The following PCDHA9 variants were observed in gnomAD, a reference collection of about 807,000 sequenced individuals.
The protein encoded by PCDHA9 is protocadherin alpha-9.
Under a neutral mutation model 62.0 loss-of-function variants are expected in PCDHA9, and 62 were observed. The ratio of observed to expected loss-of-function variants is 1.00; its 90% CI spans 0.81 to 1.23. The LOEUF (loss-of-function observed/expected upper bound fraction) is 1.23. Among genes scored for constraint, PCDHA9 ranks in the 50% most tolerant of loss-of-function variants. The probability of loss-of-function intolerance (pLI) is 0.00; values close to 1 mark genes in which losing one functional copy is unlikely to be tolerated. For synonymous variants in PCDHA9, 557 were observed against 567.6 expected, an observed-to-expected ratio of 0.98 and a Z score of 0.27; for missense variants, 1,205 against 1,249.8, an observed-to-expected ratio of 0.96 and a Z score of 0.54.
At chr5:140,895,868 A>G (rs555320203) in intron 1 of PCDHA9, among the ~76,000 whole-genome samples, 5 of 152,228 alleles carry the variant, frequency 3.3e-5, no homozygotes, top group Admixed American at 6.5e-5. Flanking sequence ...CTGGAGTGCA[A>G]TGGCGCGATC....
At chr5:140,967,552 T>C (rs782453868) in intron 1 of PCDHA9, 2 of 1,613,908 alleles carry the variant, frequency 1.2e-6, no homozygotes, top group Non-Finnish European at 1.7e-6. Context: ...AGTCCACTTA[T>C]CGCGTCCAGC....
intron 1 of PCDHA9, chr5:140,861,593 A>G: frequency 2.7e-6 from 1 of 371,316 alleles, no homozygotes; most frequent in South Asian, 2.5e-5. Context: ...TGGAGGTGAA[A>G]GTGAAGAACA....
chr5:140,907,525 G>A (rs1016477325), intron 1 of PCDHA9, among the ~76,000 whole-genome samples: 3 of 152,196 alleles, frequency 2.0e-5, no homozygotes, highest in African/African-American at 4.8e-5. Flanking sequence ...AGGACAAATC[G>A]CTGCCCTTTC....
intron 1 of PCDHA9, among the ~76,000 whole-genome samples, chr5:140,880,574 AGAGAG>A (rs2058389036): frequency 1.3e-5 from 2 of 152,226 alleles, no homozygotes; most frequent in African/African-American, 4.8e-5. Flanking sequence ...GAATTTGAGA[AGAGAG>A]GAAAGAGAAT....
intron 1 of PCDHA9, among the ~76,000 whole-genome samples, chr5:140,894,240 ATTTTC>A (rs2064382890): frequency 6.6e-6 from 1 of 151,828 alleles, no homozygotes; most frequent in African/African-American, 2.4e-5. Flanking sequence ...TGACAATGTA[ATTTTC>A]TTTTCTTTAC....
In PCDHA9 at chr5:140,919,389, T is replaced by C. The variant is rs1042186256; in HGVS notation, c.2395-59560T>C. 3.9e-5 allele frequency among the ~76,000 whole-genome samples: 6 copies of C among 152,360 alleles called. No homozygotes were observed. The East Asian group carries it at 1.2e-3, about 29-fold the overall frequency. ...CTGCAGACAACACATAGTTGGATGTTGTTTTCCTAAAAACTCTAGACTGAC... is the reference window on the plus strand; with the variant it reads ...CTGCAGACAACACATAGTTGGATGTCGTTTTCCTAAAAACTCTAGACTGAC... On this transcript the variant is annotated intron_variant, in intron 1 of 3. Coordinates refer to ENST00000532602, the MANE Select transcript of PCDHA9 (RefSeq NM_031857.2).
intron 1 of PCDHA9, among the ~76,000 whole-genome samples, chr5:140,899,689 C>A (rs1033793263): frequency 4.6e-5 from 7 of 152,254 alleles, no homozygotes; most frequent in Admixed American, 4.6e-4. Flanking sequence ...ATGATGCTGG[C>A]CTCATAAAAT....
rs75101825 is a variant in PCDHA9, at chr5:140,914,430, C to A, written c.2394+63541C>A. On this transcript the variant is annotated intron_variant, in intron 1 of 3. Coordinates refer to ENST00000532602, the MANE Select transcript of PCDHA9 (RefSeq NM_031857.2). ...TTTTGTTTCCATTAGCAAGGAATAT[C>A]TTTTCCCATGTCTTTATTTTCCAGT... Among the ~76,000 whole-genome samples the A allele has an allele frequency of 8.0e-3, 1,215 of 152,204 alleles. 6 individuals carry two copies. Among genetic ancestry groups the A allele is most frequent in the African/African-American group, 0.019 (784 of 41,536 alleles).
intron 1 of PCDHA9, chr5:140,860,899 G>C (rs940246442): frequency 6.6e-6 from 1 of 152,256 alleles, no homozygotes; most frequent in Admixed American, 6.6e-5. Flanking sequence ...CAACACGCCA[G>C]GCTAATTTTT....
chr5:140,857,420 G>T lies in PCDHA9; in HGVS notation c.2394+6531G>T. The T allele has an allele frequency of 6.9e-6, 11 of 1,598,360 alleles. 1 individual carries two copies. Among genetic ancestry groups the T allele is most frequent in the Non-Finnish European group, 8.6e-6 (10 of 1,167,812 alleles). On this transcript the variant is annotated intron_variant, in intron 1 of 3. Coordinates refer to ENST00000532602, the MANE Select transcript of PCDHA9 (RefSeq NM_031857.2). Reference sequence around the variant, plus strand: ...CAACGCGCCTGCGTTCGCGCAGTCCGAGTACACGGTGTTCGTGAAGGAGAA... The same window carrying T: ...CAACGCGCCTGCGTTCGCGCAGTCCTAGTACACGGTGTTCGTGAAGGAGAA...
intron 1 of PCDHA9, among the ~76,000 whole-genome samples, chr5:140,977,005 A>C (rs982594376): frequency 3.3e-5 from 5 of 152,156 alleles, no homozygotes; most frequent in Non-Finnish European, 5.9e-5. Flanking sequence ...AAATCTTGTA[A>C]CTGTGATTCT....
intron 1 of PCDHA9, among the ~76,000 whole-genome samples, chr5:140,945,880 A>G (rs1210743057): frequency 6.6e-6 from 1 of 152,136 alleles, no homozygotes; most frequent in Non-Finnish European, 1.5e-5. Flanking sequence ...TAAAACTAAC[A>G]AAGAAAACAC....
intron 1 of PCDHA9, among the ~76,000 whole-genome samples, chr5:140,965,466 A>C (rs1364686627): frequency 2.6e-5 from 4 of 152,002 alleles, no homozygotes; most frequent in Non-Finnish European, 4.4e-5. Flanking sequence ...GATAAATCCC[A>C]GACTCCCACA....
chr5:140,945,246 G>A (rs1257337219), intron 1 of PCDHA9, among the ~76,000 whole-genome samples: 1 of 151,864 alleles, frequency 6.6e-6, no homozygotes, highest in African/African-American at 2.4e-5. Context: ...TTAACCAAGA[G>A]GATGAAAGAC....
chr5:140,966,698 G>C, intron 1 of PCDHA9: 2 of 1,363,568 alleles, frequency 1.5e-6, no homozygotes, highest in Non-Finnish European at 1.9e-6. Flanking sequence ...CGGGGCCCGG[G>C]CGTGGGGCAC....
At chr5:140,869,038 C>A in intron 1 of PCDHA9, 1 of 1,528,506 alleles carries the variant, frequency 6.5e-7, no homozygotes, top group South Asian at 1.3e-5. Context: ...GATTTTTAAC[C>A]TGAAACTGAA....
chr5:140,875,497 C>T, intron 1 of PCDHA9: 1 of 1,613,256 alleles, frequency 6.2e-7, no homozygotes, highest in Non-Finnish European at 8.5e-7. Flanking sequence ...ACCAAGAGGC[C>T]CGGGATCCCA....
At chr5:140,956,985 A>G (rs1554222760) in intron 1 of PCDHA9, among the ~76,000 whole-genome samples, 2 of 152,224 alleles carry the variant, frequency 1.3e-5, no homozygotes, top group African/African-American at 2.4e-5. Flanking sequence ...AGTAAAATAA[A>G]TTCAAGGAAG....
intron 3 of PCDHA9, among the ~76,000 whole-genome samples, chr5:140,984,768 G>A (rs569046665): frequency 7.2e-5 from 11 of 152,172 alleles, no homozygotes; most frequent in African/African-American, 2.4e-4. Flanking sequence ...CTAATCCCAA[G>A]CTTACTTGCT....
Sources: allele counts gnomAD v4.1 joint callset (sites outside exome capture counted in the v4.1 genomes callset), GRCh38; gene constraint gnomAD v4.1.1; transcripts MANE v1.5; gene names NCBI Gene and HGNC (gene_info 2026-07-23, HGNC 2026-07-21).